The following SEC24B variants were observed in gnomAD, a reference collection of about 807,000 sequenced individuals.
The protein encoded by SEC24B is SEC24 homolog B, COPII component, also known as protein transport protein Sec24B.
A neutral mutation model predicts 142.8 loss-of-function variants in SEC24B; 45 were observed. The ratio of observed to expected loss-of-function variants is 0.32; its 90% CI spans 0.25 to 0.40. SEC24B has a LOEUF of 0.40. Among genes scored for constraint, SEC24B ranks in the 10% least tolerant of loss-of-function variants. The probability of loss-of-function intolerance (pLI) is 1.00; values close to 1 mark genes in which losing one functional copy is unlikely to be tolerated. For missense variants in SEC24B, 1,409 were observed against 1,526.8 expected, an observed-to-expected ratio of 0.92 and a Z score of 1.29; for synonymous variants, 574 against 568.2, an observed-to-expected ratio of 1.01 and a Z score of -0.15.
In SEC24B at chr4:109,473,054, T is replaced by A; in HGVS notation, c.928T>A (p.Ser310Thr). 1 of 1,598,856 alleles carries A rather than the reference T, an allele frequency of 6.3e-7. No homozygotes were observed. Residue 310 changes from serine (S) to threonine (T), a missense_variant, in exon 3 of 24, where the codon TCC (serine) becomes ACC (threonine). By Grantham distance (58) the Ser-to-Thr change is moderately conservative (BLOSUM62 1). Coordinates refer to ENST00000265175, the MANE Select transcript of SEC24B (RefSeq NM_006323.5). ...PVMQNVQPPKSSPVVSTVLSG... is the reference protein window; with the variant it reads ...PVMQNVQPPKTSPVVSTVLSG... ...TATGCAAAATGTTCAGCCTCCCAAG[T>A]CCAGCCCAGTGGTATCCACTGTTTT...
chr4:109,446,932 C>G (rs1729530284), intron 1 of SEC24B, among the ~76,000 whole-genome samples: 1 of 152,164 alleles, frequency 6.6e-6, no homozygotes, highest in Admixed American at 6.5e-5. Context: ...TAAGAGCAAA[C>G]TAGACTGAAT....
At chr4:109,460,630 CTG>C (rs147571818) in intron 1 of SEC24B, among the ~76,000 whole-genome samples, 2,917 of 152,040 alleles carry the variant, frequency 0.019, 97 homozygotes, top group African/African-American at 0.067. Context: ...AAGCATGTAA[CTG>C]TGTTAAACAT....
chr4:109,455,606 T>C (rs1158886756), intron 1 of SEC24B, among the ~76,000 whole-genome samples: 1 of 152,254 alleles, frequency 6.6e-6, no homozygotes, highest in African/African-American at 2.4e-5. Flanking sequence ...TTTTCTTTTT[T>C]TCACATGTAG....
chr4:109,457,546 T>C (rs1375796531), intron 1 of SEC24B, among the ~76,000 whole-genome samples: 1 of 152,222 alleles, frequency 6.6e-6, no homozygotes, highest in Non-Finnish European at 1.5e-5. Flanking sequence ...ATCTCACTTC[T>C]GTGATAGTGG....
At chr4:109,538,740 A>G (rs1725832881) in intron 23 of SEC24B, 144 bp downstream of exon 23, 1 of 566,016 alleles carries the variant, frequency 1.8e-6, no homozygotes, top group African/African-American at 1.9e-5. Context: ...CCTGTATTCC[A>G]TTTTCTGACA....
intron 11 of SEC24B, 79 bp from the exon 12 acceptor site, chr4:109,520,287 A>T: frequency 1.1e-6 from 1 of 876,926 alleles, no homozygotes; most frequent in African/African-American, 1.7e-5. Context: ...CCTTGGACTT[A>T]AATTACTATT....
intron 5 of SEC24B, among the ~76,000 whole-genome samples, chr4:109,494,058 A>ACT (rs1735285570): frequency 6.6e-6 from 1 of 152,088 alleles, no homozygotes. Flanking sequence ...CACCCTTTTT[A>ACT]TTGCTTGCTT....
intron 3 of SEC24B, among the ~76,000 whole-genome samples, chr4:109,476,863 C>A (rs999798791): frequency 6.6e-6 from 1 of 152,048 alleles, no homozygotes; most frequent in East Asian, 1.9e-4. Flanking sequence ...GTTGGCCGGG[C>A]GCAGTGGCTC....
At chr4:109,443,962 C>G (rs1729181172) in intron 1 of SEC24B, among the ~76,000 whole-genome samples, 1 of 152,022 alleles carries the variant, frequency 6.6e-6, no homozygotes, top group African/African-American at 2.4e-5. Flanking sequence ...GTGGCTCATG[C>G]CTGTAATCCC....
chr4:109,508,591 A>G (rs1400527440), intron 7 of SEC24B, among the ~76,000 whole-genome samples: 1 of 152,152 alleles, frequency 6.6e-6, no homozygotes. Context: ...TTATTAAAAA[A>G]AAATATGTTG....
chr4:109,537,643 A>G lies in SEC24B; in HGVS notation c.3589-850A>G, dbSNP rs1021825397. Among the ~76,000 whole-genome samples the G allele has an allele frequency of 3.3e-5, 5 of 152,256 alleles. No homozygotes were observed. The East Asian group carries it at 9.6e-4, about 29-fold the overall frequency. On this transcript the variant is annotated intron_variant, in intron 22 of 23. Coordinates refer to ENST00000265175, the MANE Select transcript of SEC24B (RefSeq NM_006323.5). Reference sequence around the variant, plus strand: ...ACTCCAGTCTGGGCAACCTAGCAAGACCCCATCTCTTAAAAAGAAAAAAAG... The same window carrying G: ...ACTCCAGTCTGGGCAACCTAGCAAGGCCCCATCTCTTAAAAAGAAAAAAAG...
intron 17 of SEC24B, 53 bp from the exon 18 acceptor site, chr4:109,527,269 C>A: frequency 1.8e-6 from 2 of 1,117,236 alleles, no homozygotes; most frequent in East Asian, 2.4e-5. Flanking sequence ...GACATGTTTG[C>A]TTTGCTTTAT....
rs749709090 is a variant in SEC24B, at chr4:109,494,288, T to C, written c.1247-327T>C. ...TAGGCAACATGGGAGACTCCATCTC[T>C]ATTTTAAAAAAAAGAAATACCAACT... On this transcript the variant is annotated intron_variant, in intron 5 of 23. Coordinates refer to ENST00000265175, the MANE Select transcript of SEC24B (RefSeq NM_006323.5). 4.4e-4 allele frequency among the ~76,000 whole-genome samples: 67 copies of C among 152,092 alleles called. 1 individual carries two copies. Among genetic ancestry groups the C allele is most frequent in the Admixed American group, 3.6e-3 (55 of 15,260 alleles).
chr4:109,473,810 T>C (rs922880340), intron 3 of SEC24B, among the ~76,000 whole-genome samples: 9 of 152,246 alleles, frequency 5.9e-5, no homozygotes, highest in African/African-American at 2.2e-4. Flanking sequence ...CCTGTCTGGC[T>C]AAAATTCCAA....
At chr4:109,526,981 G>A (rs1439601409) in intron 17 of SEC24B, among the ~76,000 whole-genome samples, 3 of 152,160 alleles carry the variant, frequency 2.0e-5, no homozygotes, top group Admixed American at 1.3e-4. Flanking sequence ...CACTTTGGGA[G>A]GCCGAGGTGG....
Position 109,433,846 on chromosome 4 carries a change from G to A in SEC24B, c.-24G>A, listed in dbSNP as rs1728092328. 1 of 1,287,492 alleles carries A rather than the reference G, an allele frequency of 7.8e-7. No homozygotes were observed. The highest frequency in any genetic ancestry group is 9.8e-7 in the Non-Finnish European group (1 of 1,016,160). 79.8% of individuals were successfully genotyped at this position (1,287,492 alleles called of 1,614,324 possible). A position where few individuals can be genotyped will look rare whatever the true frequency, so the allele number is the denominator to read the frequency against. On this transcript the variant is annotated 5_prime_UTR_variant, in exon 1 of 24. Coordinates refer to ENST00000265175, the MANE Select transcript of SEC24B (RefSeq NM_006323.5). ...CCTCCGCCCACCTCCCTGAAGCGGA[G>A]CCGCCGTCGCCACCAGCGCCGTCAT... is the stretch of plus-strand genomic sequence containing the variant.
At chr4:109,520,557 A>G (rs1425080072) in intron 12 of SEC24B, 73 bp downstream of exon 12, 3 of 828,986 alleles carry the variant, frequency 3.6e-6, no homozygotes, top group African/African-American at 3.4e-5. Flanking sequence ...TTTAATATAC[A>G]CCTTGCTATA....
intron 7 of SEC24B, among the ~76,000 whole-genome samples, chr4:109,509,447 G>A (rs551806210): frequency 6.6e-4 from 101 of 152,234 alleles, no homozygotes; most frequent in Middle Eastern, 6.8e-3. Context: ...GCCGAGGCAG[G>A]CGGATGGATC....
intron 5 of SEC24B, 104 bp from the exon 6 acceptor site, chr4:109,494,510 TA>T: frequency 1.4e-6 from 2 of 1,466,364 alleles, no homozygotes; most frequent in Non-Finnish European, 1.8e-6. Flanking sequence ...TAAAAAGCTT[TA>T]AAAAGTAAAA....
Sources: allele counts gnomAD v4.1 joint callset (sites outside exome capture counted in the v4.1 genomes callset), GRCh38; gene constraint gnomAD v4.1.1; transcripts MANE v1.5; gene names NCBI Gene and HGNC (gene_info 2026-07-23, HGNC 2026-07-21).